The following ASIC1 variants were observed in gnomAD, a reference collection of about 807,000 sequenced individuals.
The protein encoded by ASIC1 is acid-sensing ion channel 1.
In ASIC1, 21 loss-of-function variants were observed where a neutral mutation model predicts 63.4. That is an observed-to-expected ratio of 0.33 (90% CI 0.23 to 0.48). The LOEUF is 0.48. ASIC1 is among the 20% of genes least tolerant of loss of function. The probability of loss-of-function intolerance (pLI) is 0.99; values close to 1 mark genes in which losing one functional copy is unlikely to be tolerated. For missense variants in ASIC1, 478 were observed against 695.5 expected, an observed-to-expected ratio of 0.69 and a Z score of 3.52; for synonymous variants, 258 against 278.2, an observed-to-expected ratio of 0.93 and a Z score of 0.72.
At chr12:50,072,927 G>C (rs1444434424) in intron 3 of ASIC1, among the ~76,000 whole-genome samples, 1 of 152,292 alleles carries the variant, frequency 6.6e-6, no homozygotes, top group Middle Eastern at 3.4e-3. Context: ...AAACAGGGTC[G>C]GGGACTGGAA....
chr12:50,059,456 G>T lies in ASIC1; in HGVS notation c.363-303G>T, dbSNP rs1950480762. The stretch of plus-strand genomic sequence containing the variant: ...TCTCGTCAGTTGGGGGATGGGGACA[G>T]AACATCTTTAAAGGGTAGAAACTAC... On this transcript the variant is annotated intron_variant, in intron 2 of 11. Coordinates refer to ENST00000447966, the MANE Select transcript of ASIC1 (RefSeq NM_001095.4). This position sits in a 1 kb window ranked among gnomAD's most constrained non-coding sequence, Gnocchi z 4.6. Among the ~76,000 whole-genome samples the T allele has an allele frequency of 6.6e-6, 1 of 152,170 alleles. No individual in the cohort carries two copies. The highest frequency in any genetic ancestry group is 2.4e-5 in the African/African-American group (1 of 41,442).
At chr12:50,075,567 A>G (rs1236022157) in intron 3 of ASIC1, among the ~76,000 whole-genome samples, 2 of 152,184 alleles carry the variant, frequency 1.3e-5, no homozygotes, top group Non-Finnish European at 2.9e-5. Flanking sequence ...TCTTTGCCTC[A>G]TCTCTGGACC....
At position 50,074,791 on chromosome 12, in the gene ASIC1, G is replaced by T. The variant is rs1008212079; in HGVS notation, c.559-2422G>T. On this transcript the variant is annotated intron_variant, in intron 3 of 11. Transcript: ENST00000447966. The surrounding 1 kb of genome is among the most constrained non-coding windows in gnomAD (Gnocchi z 4.2). ...ATGGCCCTTGTCAGCATCTCCTGCA[G>T]CAGGGACTTCATTGCATCTTCACTT... Among the ~76,000 whole-genome samples, 3 of 151,946 alleles carry T rather than the reference G, an allele frequency of 2.0e-5. No homozygotes were observed. The highest frequency in any genetic ancestry group is 7.3e-5 in the African/African-American group (3 of 41,312).
intron 3 of ASIC1, among the ~76,000 whole-genome samples, chr12:50,069,280 ATTTATTT>A (rs1950576113): frequency 6.9e-6 from 1 of 144,538 alleles, no homozygotes. Flanking sequence ...TTATTTATTT[ATTTATTT>A]ATTTATTATT....
chr12:50,066,350 TTG>T (rs1209203672), intron 3 of ASIC1, among the ~76,000 whole-genome samples: 1 of 151,926 alleles, frequency 6.6e-6, no homozygotes. Flanking sequence ...TCCGGGTTCT[TTG>T]TGTGTGGCTG....
rs1384932994 is a variant in ASIC1, at chr12:50,058,850, C to T, written c.84C>T (p.His28=). The change falls in exon 2 of 12, where the codon CAC becomes CAT. Residue 28 remains histidine (H), a synonymous_variant. Transcript: ENST00000447966. ...CCTTCGCCAGCAGCTCCACACTGCA[C>T]GGCCTGGCCCACATCTTCTCCTACG... ...IQAFASSSTL[H]GLAHIFSYER... 13 of 1,613,826 alleles carry T rather than the reference C, an allele frequency of 8.1e-6. No individual in the cohort carries two copies. The highest frequency in any genetic ancestry group is 1.3e-5 in the African/African-American group (1 of 74,928).
Position 50,059,241 on chromosome 12 carries a change from AC to A in ASIC1, c.362+118del. The A allele has an allele frequency of 7.5e-7, 1 of 1,341,758 alleles. No individual in the cohort carries two copies. Among genetic ancestry groups the A allele is most frequent in the South Asian group, 1.5e-5 (1 of 68,938 alleles). The allele number at this position is 1,341,758 out of a possible 1,614,324, so 83.1% of individuals were successfully genotyped here. ...CCCAGCCAACCCTGCCCTTTAACCCACCCCCACCCCCAAACCTGCCACTCAC... is the reference window on the plus strand; with the variant it reads ...CCCAGCCAACCCTGCCCTTTAACCCACCCCACCCCCAAACCTGCCACTCAC... On this transcript the variant is annotated intron_variant, in intron 2 of 11. Transcript: ENST00000447966. This position sits in a 1 kb window ranked among gnomAD's most constrained non-coding sequence, Gnocchi z 4.6.
In ASIC1 at chr12:50,074,615, G is replaced by A. The variant is rs867300770; in HGVS notation, c.559-2598G>A. 3.3e-5 allele frequency among the ~76,000 whole-genome samples: 5 copies of A among 152,174 alleles called. No homozygotes were observed. The highest frequency in any genetic ancestry group is 3.3e-4 in the Admixed American group (5 of 15,280). ...TGAGGTCAACCTTTGATCTGTTGGT[G>A]GACGCCAGTGCCTGGCCAGTTGTTC... On this transcript the variant is annotated intron_variant, in intron 3 of 11. Transcript: ENST00000447966. This position sits in a 1 kb window ranked among gnomAD's most constrained non-coding sequence, Gnocchi z 4.2.
chr12:50,080,130 C>T (rs192160323), intron 8 of ASIC1, 75 bp downstream of exon 8: 171 of 1,257,856 alleles, frequency 1.4e-4, no homozygotes, highest in African/African-American at 8.4e-4. Context: ...TTGATGGGGG[C>T]GGGGGCTGGC....
intron 3 of ASIC1, chr12:50,073,573 C>T (rs372688616): frequency 6.7e-7 from 1 of 1,502,884 alleles, no homozygotes; most frequent in Non-Finnish European, 8.9e-7. Context: ...CACCAGGAAG[C>T]CCCTGGAGAA....
In ASIC1 at chr12:50,078,679, AC is replaced by A; in HGVS notation, c.994+106del. ...AATCTCCCAACCCCAGTTCCAGCCC[AC>A]CCCATCCCACACCCACCTGGCTCAT... On this transcript the variant is annotated intron_variant, in intron 6 of 11. Coordinates refer to ENST00000447966, the MANE Select transcript of ASIC1 (RefSeq NM_001095.4). The surrounding 1 kb of genome is among the most constrained non-coding windows in gnomAD (Gnocchi z 6.0). 6.6e-7 allele frequency: 1 copy of A among 1,519,510 alleles called. No individual in the cohort carries two copies. 94.1% of individuals were successfully genotyped at this position (1,519,510 alleles called of 1,614,324 possible).
rs540745348 is a variant in ASIC1, at chr12:50,083,204, G to A, written c.*1555G>A. The A allele has an allele frequency of 6.6e-6, 1 of 152,216 alleles. No homozygotes were observed. Among genetic ancestry groups the A allele is most frequent in the African/African-American group, 2.4e-5 (1 of 41,452 alleles). The allele number at this position is 152,216 out of a possible 1,614,324, so 9.4% of individuals were successfully genotyped here. On this transcript the variant is annotated 3_prime_UTR_variant, in exon 12 of 12. Transcript: ENST00000447966. ...CCAAGCCCACCACTTTTATTTTCTG[G>A]TGAGGTGGGTTTGGGAGGAAAGAGA... is the stretch of plus-strand genomic sequence containing the variant.
At chr12:50,075,320 G>A (rs757532805) in intron 3 of ASIC1, among the ~76,000 whole-genome samples, 4 of 152,190 alleles carry the variant, frequency 2.6e-5, no homozygotes, top group Admixed American at 6.5e-5. Context: ...CTCTGGGCCC[G>A]AGAGTAGAGC....
chr12:50,068,204 A>G (rs554109461), intron 3 of ASIC1, among the ~76,000 whole-genome samples: 1 of 152,054 alleles, frequency 6.6e-6, no homozygotes, highest in Non-Finnish European at 1.5e-5. Context: ...GGAAGTGGTT[A>G]GTTCTTTTTT....
Position 50,077,264 on chromosome 12 carries a change from C to T in ASIC1, c.610C>T (p.Arg204Trp), listed in dbSNP as rs1046706563. The part of the protein sequence containing the change: ...CYTFNSGRDG[R>W]PRLKTMKGGT... The stretch of plus-strand genomic sequence containing the variant: ...CACGTTCAACTCGGGCCGAGATGGG[C>T]GGCCGCGGCTGAAGACCATGAAGGG... The change falls in exon 4 of 12, where the codon CGG becomes TGG. Residue 204 changes from arginine (R) to tryptophan (W), a missense_variant. Physicochemically the swap from Arg to Trp is moderately radical, Grantham distance 101. Coordinates refer to ENST00000447966, the MANE Select transcript of ASIC1 (RefSeq NM_001095.4). 18 of 1,613,908 alleles carry T rather than the reference C, an allele frequency of 1.1e-5. No individual in the cohort carries two copies. Among genetic ancestry groups the T allele is most frequent in the Non-Finnish European group, 1.5e-5 (18 of 1,179,900 alleles).
intron 3 of ASIC1, among the ~76,000 whole-genome samples, chr12:50,072,077 A>C (rs1950605307): frequency 6.6e-6 from 1 of 152,116 alleles, no homozygotes; most frequent in African/African-American, 2.4e-5. Context: ...GTTCCACATC[A>C]CTCAGTTCTG....
chr12:50,067,430 A>G (rs1950556022), intron 3 of ASIC1, among the ~76,000 whole-genome samples: 1 of 142,448 alleles, frequency 7.0e-6, no homozygotes, highest in African/African-American at 2.6e-5. Flanking sequence ...TTTTTTTGAG[A>G]CGGAGTTTTG....
chr12:50,073,902 G>T, intron 3 of ASIC1: 1 of 1,535,198 alleles, frequency 6.5e-7, no homozygotes, highest in Non-Finnish European at 8.7e-7. Context: ...TCCTGTGCCA[G>T]GTAGGGGACC....
chr12:50,078,521 A>G lies in ASIC1; in HGVS notation c.938A>G (p.Asp313Gly). ...DSYSITACRIDCETRYLVENC... is the reference protein window; with the variant it reads ...DSYSITACRIGCETRYLVENC... ...TACAGCATCACTGCCTGCCGCATCG[A>G]CTGTGAGACGCGCTACCTGGTGGAG... Residue 313 changes from aspartate (D) to glycine (G), a missense_variant, in exon 6 of 12, where the codon GAC becomes GGC. Physicochemically the swap from Asp to Gly is moderately conservative, Grantham distance 94. This residue lies in a region of ASIC1 where 290 missense variants were observed against 414.9 expected (regional missense o/e 0.70). Coordinates refer to ENST00000447966, the MANE Select transcript of ASIC1 (RefSeq NM_001095.4). The surrounding 1 kb of genome is among the most constrained non-coding windows in gnomAD (Gnocchi z 6.0). 1 of 1,614,114 alleles carries G rather than the reference A, an allele frequency of 6.2e-7. No individual in the cohort carries two copies. Among genetic ancestry groups the G allele is most frequent in the Non-Finnish European group, 8.5e-7 (1 of 1,179,994 alleles).
Sources: gnomAD v4.1 joint callset for allele counts (sites outside exome capture counted in the v4.1 genomes callset) on GRCh38, gnomAD v4.1.1 for gene constraint, gnomAD v4.1.1 regional missense constraint, Gnocchi (gnomAD v3.1) non-coding constraint, MANE v1.5 for transcripts, NCBI Gene and HGNC (gene_info 2026-07-23, HGNC 2026-07-21) for gene names.